The following SHISA9 variants were observed in gnomAD, a reference collection of about 807,000 sequenced individuals.
The protein encoded by SHISA9 is protein shisa-9.
A neutral mutation model predicts 38.0 loss-of-function variants in SHISA9; 13 were observed. The observed-to-expected ratio is 0.34, with a 90% confidence interval of 0.22 to 0.54. The LOEUF (loss-of-function observed/expected upper bound fraction) is 0.54, where lower values mean the gene tolerates loss of function less well. Ranked by LOEUF, SHISA9 falls within the 20% of genes least tolerant of loss-of-function variation. The probability of loss-of-function intolerance (pLI) is 0.91; values close to 1 mark genes in which losing one functional copy is unlikely to be tolerated. For missense variants in SHISA9, 538 were observed against 575.8 expected (o/e 0.93, Z 0.67); for synonymous variants, 275 against 242.0 (o/e 1.14, Z -1.27).
chr16:13,079,814 C>G (rs1182210688), intron 2 of SHISA9, among the ~76,000 whole-genome samples: 1 of 152,080 alleles, frequency 6.6e-6, no homozygotes. Context: ...ATTTCTGGGA[C>G]AAAACTCTTA....
chr16:13,021,259 A>G (rs1180890508), intron 2 of SHISA9, among the ~76,000 whole-genome samples: 1 of 152,166 alleles, frequency 6.6e-6, no homozygotes, highest in Admixed American at 6.5e-5. Flanking sequence ...GGCTCCTGGC[A>G]TCTAGTGAGT....
the SHISA9 span, among the ~76,000 whole-genome samples, chr16:13,265,314 C>T: frequency 8.4e-6 from 1 of 118,784 alleles, no homozygotes; most frequent in South Asian, 3.5e-4. Context: ...CCTCTGCCCT[C>T]CTCTTCCATC....
chr16:13,383,790 T>C, the SHISA9 span, among the ~76,000 whole-genome samples: 3 of 152,038 alleles, frequency 2.0e-5, no homozygotes, highest in East Asian at 1.9e-4. Flanking sequence ...GCTGGGACCA[T>C]AGGCGCGAGC....
intron 2 of SHISA9, among the ~76,000 whole-genome samples, chr16:13,182,445 G>A (rs2050786489): frequency 6.6e-6 from 1 of 152,126 alleles, no homozygotes; most frequent in Admixed American, 6.5e-5. Context: ...AGGTCTCAGT[G>A]TATCCACTAA....
intron 2 of SHISA9, among the ~76,000 whole-genome samples, chr16:13,008,381 A>G (rs2072624288): frequency 6.6e-6 from 1 of 152,124 alleles, no homozygotes; most frequent in Non-Finnish European, 1.5e-5. Context: ...TTTGTCTCAA[A>G]GTCTGCTTCT....
the SHISA9 span, among the ~76,000 whole-genome samples, chr16:13,273,706 C>G: frequency 6.6e-6 from 1 of 152,114 alleles, no homozygotes; most frequent in Admixed American, 6.6e-5. Flanking sequence ...AATGGGAATG[C>G]CTATTGCACA....
the SHISA9 span, among the ~76,000 whole-genome samples, chr16:13,333,530 T>C: frequency 9.9e-5 from 15 of 152,234 alleles, no homozygotes; most frequent in African/African-American, 2.9e-4. Context: ...CCAGGGTGAA[T>C]AGGTCCTCTG....
chr16:13,421,755 T>C, the SHISA9 span, among the ~76,000 whole-genome samples: 2 of 152,234 alleles, frequency 1.3e-5, no homozygotes, highest in Admixed American at 6.5e-5. Flanking sequence ...CAACAAATAT[T>C]AGTCCTCTTC....
the SHISA9 span, among the ~76,000 whole-genome samples, chr16:13,464,282 C>G: frequency 0.24 from 35,974 of 152,070 alleles, 4,417 homozygotes; most frequent in South Asian, 0.31. Flanking sequence ...CCAAGGCCTC[C>G]CTGACCTGTT....
chr16:12,995,355 C>A (rs1213786668), intron 2 of SHISA9, among the ~76,000 whole-genome samples: 5 of 152,174 alleles, frequency 3.3e-5, no homozygotes, highest in Non-Finnish European at 7.3e-5. Flanking sequence ...GCTGGTACTT[C>A]TTGAACTTTA....
the SHISA9 span, among the ~76,000 whole-genome samples, chr16:13,273,700 G>A: frequency 6.6e-6 from 1 of 152,126 alleles, no homozygotes; most frequent in Admixed American, 6.6e-5. Flanking sequence ...CTGTTAAATG[G>A]GAATGCCTAT....
chr16:13,215,010 G>C (rs998113775), intron 4 of SHISA9, among the ~76,000 whole-genome samples: 2 of 152,142 alleles, frequency 1.3e-5, no homozygotes, highest in African/African-American at 4.8e-5. Flanking sequence ...TGGATTAGGG[G>C]ACTGTGGACT....
intron 2 of SHISA9, among the ~76,000 whole-genome samples, chr16:12,993,066 T>G (rs116931783): frequency 0.013 from 1,962 of 152,332 alleles, 12 homozygotes; most frequent in South Asian, 0.026. Context: ...GACAGTTAAT[T>G]TTTTGGTGTG....
At chr16:12,968,600 A>G (rs1175380473) in intron 2 of SHISA9, among the ~76,000 whole-genome samples, 1 of 152,226 alleles carries the variant, frequency 6.6e-6, no homozygotes, top group African/African-American at 2.4e-5. Flanking sequence ...AACAGCTACA[A>G]CTGTATGTGT....
chr16:12,978,992 A>T (rs2072204229), intron 2 of SHISA9, among the ~76,000 whole-genome samples: 1 of 152,182 alleles, frequency 6.6e-6, no homozygotes, highest in South Asian at 2.1e-4. Context: ...ATGGCTCATG[A>T]TCTGTTTTTG....
chr16:13,269,437 A>G, the SHISA9 span, among the ~76,000 whole-genome samples: 1 of 152,202 alleles, frequency 6.6e-6, no homozygotes, highest in African/African-American at 2.4e-5. Flanking sequence ...TGGTGATCAC[A>G]AACAGAAAAC....
the SHISA9 span, among the ~76,000 whole-genome samples, chr16:13,445,116 C>T: frequency 6.6e-6 from 1 of 150,890 alleles, no homozygotes; most frequent in Non-Finnish European, 1.5e-5. Context: ...CCCACCTCGG[C>T]CTCCCAAAGT....
chr16:13,514,242 C>G, the SHISA9 span, among the ~76,000 whole-genome samples: 1 of 152,068 alleles, frequency 6.6e-6, no homozygotes, highest in East Asian at 1.9e-4. Flanking sequence ...ACCTGCCCGC[C>G]TAGACCTCCC....
In SHISA9 at chr16:13,171,584, A is replaced by T. The variant is rs80244917; in HGVS notation, c.692-31810A>T. On this transcript the variant is annotated intron_variant, in intron 2 of 4. Transcript: ENST00000558583. ...AATGGGGGTGCTTCCAGCAGAGGAAATAGTACTTGCCAGGGTTCTGCCCTG... is the reference window on the plus strand; with the variant it reads ...AATGGGGGTGCTTCCAGCAGAGGAATTAGTACTTGCCAGGGTTCTGCCCTG... Among the ~76,000 whole-genome samples, 149 of 152,182 alleles carry T rather than the reference A, an allele frequency of 9.8e-4. 2 individuals are homozygous for T. In the East Asian group the frequency reaches 0.026, roughly 26 times the overall value.
Sources: gnomAD v4.1 joint callset for allele counts (sites outside exome capture counted in the v4.1 genomes callset) on GRCh38, gnomAD v4.1.1 for gene constraint, MANE v1.5 for transcripts, NCBI Gene and HGNC (gene_info 2026-07-23, HGNC 2026-07-21) for gene names.